Variants in FEM1A observed in about 807,000 individuals in gnomAD.
FEM1A encodes the protein protein fem-1 homolog A.
In FEM1A, 1 loss-of-function variant was observed where a neutral mutation model predicts 0.7. The ratio of observed to expected loss-of-function variants is 1.35; its 90% CI spans 0.48 to 6.40. The LOEUF (loss-of-function observed/expected upper bound fraction) is 6.40. FEM1A is among the 30% of genes most tolerant of loss of function. The pLI is 0.14. For synonymous variants in FEM1A, 391 were observed against 420.6 expected, an observed-to-expected ratio of 0.93 and a Z score of 0.86; for missense variants, 721 against 918.7, an observed-to-expected ratio of 0.78 and a Z score of 2.78.
Position 4,800,188 on chromosome 19 carries a change from G to T in FEM1A, c.*6324G>T, listed in dbSNP as rs1220153721. On this transcript the variant is annotated 3_prime_UTR_variant, in exon 1 of 1. Coordinates refer to ENST00000269856, the MANE Select transcript of FEM1A (RefSeq NM_018708.3). ...GAATAATAATAAAGTAGGAAAAACA[G>T]CCCTCTTAAGAGGAAGGCCATCTTA... is the stretch of plus-strand genomic sequence containing the variant. 1 of 152,188 alleles carries T rather than the reference G, an allele frequency of 6.6e-6. No homozygotes were observed. The highest frequency in any genetic ancestry group is 2.4e-5 in the African/African-American group (1 of 41,436). The allele number at this position is 152,188 out of a possible 1,614,324, so 9.4% of individuals were successfully genotyped here.
At position 4,792,155 on chromosome 19, in the gene FEM1A, A is replaced by C; in HGVS notation, c.301A>C (p.Ser101Arg). ...AGCCGGCCACCTGGACGTGGTGCGG[A>C]GCCTGCTGCGCCGCGGGGCCTCGGT... is the stretch of plus-strand genomic sequence containing the variant. ...SAAGHLDVVR[S>R]LLRRGASVNR... is the part of the protein sequence containing the mutation. Residue 101 changes from serine (S) to arginine (R), a missense_variant, in exon 1 of 1, where the codon AGC (serine) becomes CGC (arginine). Physicochemically the swap from Ser to Arg is moderately radical, Grantham distance 110. This residue lies in a region of FEM1A where 195 missense variants were observed against 316.9 expected (regional missense o/e 0.62). Transcript: ENST00000269856. This position sits in a 1 kb window ranked among gnomAD's most constrained non-coding sequence, Gnocchi z 6.7. 1.3e-6 allele frequency: 2 copies of C among 1,517,332 alleles called. No homozygotes were observed. Among genetic ancestry groups the C allele is most frequent in the Non-Finnish European group, 1.8e-6 (2 of 1,137,546 alleles). The allele number at this position is 1,517,332 out of a possible 1,614,324, so 94.0% of individuals were successfully genotyped here.
chr19:4,792,554 C>G lies in FEM1A; in HGVS notation c.700C>G (p.Leu234Val), dbSNP rs1244149028. The G allele has an allele frequency of 1.9e-5, 30 of 1,604,634 alleles. No individual in the cohort carries two copies. Among genetic ancestry groups the G allele is most frequent in the Non-Finnish European group, 2.5e-5 (30 of 1,179,704 alleles). ...VTGHTNIVEY[L>V]IQEQPGQEQV... ...GGGCCACACCAACATCGTGGAGTAC[C>G]TCATCCAGGAGCAGCCCGGCCAGGA... Residue 234 changes from leucine to valine, a missense_variant, in exon 1 of 1, where the codon CTC (leucine) becomes GTC (valine). Physicochemically the swap from Leu to Val is conservative, Grantham distance 32. Coordinates refer to ENST00000269856, the MANE Select transcript of FEM1A (RefSeq NM_018708.3). The surrounding 1 kb of genome is among the most constrained non-coding windows in gnomAD (Gnocchi z 6.7).
Position 4,791,779 on chromosome 19 carries a change from C to T in FEM1A, c.-76C>T. On this transcript the variant is annotated 5_prime_UTR_variant, in exon 1 of 1. Coordinates refer to ENST00000269856, the MANE Select transcript of FEM1A (RefSeq NM_018708.3). The stretch of plus-strand genomic sequence containing the variant: ...GCGAGGGGGACGGTGAAGGTTGCCT[C>T]CCGCCCGTCCGGGCTCTGATCCTCC... 5 of 1,374,046 alleles carry T rather than the reference C, an allele frequency of 3.6e-6. No individual in the cohort carries two copies. The highest frequency in any genetic ancestry group is 4.7e-6 in the Non-Finnish European group (5 of 1,055,544). The allele number at this position is 1,374,046 out of a possible 1,614,324, so 85.1% of individuals were successfully genotyped here.
Position 4,793,330 on chromosome 19 carries a change from C to A in FEM1A, c.1476C>A (p.Thr492=), listed in dbSNP as rs373621570. The change falls in exon 1 of 1, where the codon ACC becomes ACA. Residue 492 remains threonine, a synonymous_variant. Transcript: ENST00000269856. The surrounding 1 kb of genome is among the most constrained non-coding windows in gnomAD (Gnocchi z 5.1). ...AGCCCGGAGACTCAGCCCAGTTCAC[C>A]AAGGCGCTGGCCATCATCCTCCACC... The part of the protein sequence containing the change: ...PREPGDSAQF[T]KALAIILHLL... The A allele has an allele frequency of 1.9e-6, 3 of 1,612,656 alleles. No homozygotes were observed. The African/African-American group carries it at 4.0e-5, about 21-fold the overall frequency.
rs767907830 is a variant in FEM1A, at chr19:4,793,548, A to G, written c.1694A>G (p.Lys565Arg). The change falls in exon 1 of 1, where the codon AAA becomes AGA. Residue 565 changes from lysine (K) to arginine (R), a missense_variant. Around this residue, in one of 4 missense-constraint regions of FEM1A, gnomAD observed 379 missense variants for 454.8 expected, o/e 0.83. Transcript: ENST00000269856. The surrounding 1 kb of genome is among the most constrained non-coding windows in gnomAD (Gnocchi z 5.1). ...AGATTCCCCTCCCTGCACGTGGTCA[A>G]AGTGCTGCTCGACTGCGGGGCCGAC... ...VGRFPSLHVV[K>R]VLLDCGADPD... The G allele has an allele frequency of 6.2e-7, 1 of 1,613,082 alleles. No homozygotes were observed. The highest frequency in any genetic ancestry group is 1.1e-5 in the South Asian group (1 of 91,030).
rs1475253202 is a variant in FEM1A at position 4,793,632 on chromosome 19, G to A, written c.1778G>A (p.Cys593Tyr). 6.2e-6 allele frequency: 10 copies of A among 1,612,700 alleles called. No homozygotes were observed. The Admixed American group carries it at 1.3e-4, about 22-fold the overall frequency. The change falls in exon 1 of 1, where the codon TGC (cysteine) becomes TAC (tyrosine). Residue 593 changes from cysteine to tyrosine, a missense_variant. Coordinates refer to ENST00000269856, the MANE Select transcript of FEM1A (RefSeq NM_018708.3). The surrounding 1 kb of genome is among the most constrained non-coding windows in gnomAD (Gnocchi z 5.1). ...CTACACATAGCAGCCCAGAACAACT[G>A]CCCGGCCATCATGAATGCCCTGATC... is the stretch of plus-strand genomic sequence containing the variant. ...TPLHIAAQNNCPAIMNALIEA... is the reference protein window; with the variant it reads ...TPLHIAAQNNYPAIMNALIEA...
rs1340106612 is a variant in FEM1A at position 4,792,415 on chromosome 19, G to C, written c.561G>C (p.Leu187=). 6.3e-7 allele frequency: 1 copy of C among 1,595,712 alleles called. No homozygotes were observed. Among genetic ancestry groups the C allele is most frequent in the African/African-American group, 1.3e-5 (1 of 74,884 alleles). The change falls in exon 1 of 1, where the codon CTG becomes CTC. Residue 187 remains leucine (L), a synonymous_variant. Coordinates refer to ENST00000269856, the MANE Select transcript of FEM1A (RefSeq NM_018708.3). This position sits in a 1 kb window ranked among gnomAD's most constrained non-coding sequence, Gnocchi z 6.7. ...NRRSAKGNTA[L]HDCAESGSLE... is the part of the protein sequence containing the mutation. ...GCAGCGCCAAGGGCAACACGGCCCT[G>C]CATGACTGCGCCGAGTCCGGCAGCC...
rs1420611976 is a variant in FEM1A, at chr19:4,792,852, G to A, written c.998G>A (p.Gly333Asp). ...GCCATGGAGCTGCGTCACCAGGGGG[G>A]CGAGTACCTGCCCAAACCGGAGCCC... is the stretch of plus-strand genomic sequence containing the variant. ...RRAMELRHQGGEYLPKPEPPQ... is the reference protein window; with the variant it reads ...RRAMELRHQGDEYLPKPEPPQ... The change falls in exon 1 of 1, where the codon GGC (glycine) becomes GAC (aspartate). Residue 333 changes from glycine to aspartate, a missense_variant. Gly to Asp is a moderately conservative substitution (Grantham distance 94). Transcript: ENST00000269856. The surrounding 1 kb of genome is among the most constrained non-coding windows in gnomAD (Gnocchi z 6.7). 5 of 1,612,188 alleles carry A rather than the reference G, an allele frequency of 3.1e-6. No individual in the cohort carries two copies. The highest frequency in any genetic ancestry group is 1.1e-5 in the South Asian group (1 of 90,990).
At position 4,799,059 on chromosome 19, in the gene FEM1A, G is replaced by C. The variant is rs1190292535; in HGVS notation, c.*5195G>C. The C allele has an allele frequency of 6.9e-6, 1 of 145,078 alleles. No individual in the cohort carries two copies. Among genetic ancestry groups the C allele is most frequent in the East Asian group, 1.9e-4 (1 of 5,158 alleles). The allele number at this position is 145,078 out of a possible 1,614,324, so 9.0% of individuals were successfully genotyped here. On this transcript the variant is annotated 3_prime_UTR_variant, in exon 1 of 1. Coordinates refer to ENST00000269856, the MANE Select transcript of FEM1A (RefSeq NM_018708.3). ...GGTTGCTAGCTCCTCTGAGACTGGG[G>C]TGGGGTGGGTGTCCCAAGGTGATGA...
chr19:4,792,120 C>T lies in FEM1A; in HGVS notation c.266C>T (p.Ala89Val). 6.6e-7 allele frequency: 1 copy of T among 1,521,536 alleles called. No homozygotes were observed. Among genetic ancestry groups the T allele is most frequent in the East Asian group, 2.5e-5 (1 of 39,560 alleles). 94.3% of individuals were successfully genotyped at this position (1,521,536 alleles called of 1,614,324 possible). Reference protein sequence around the residue: ...ETIEGAPPLWAASAAGHLDVV... With the variant: ...ETIEGAPPLWVASAAGHLDVV... ...ATCGAGGGCGCGCCGCCGCTGTGGG[C>T]CGCCTCCGCAGCCGGCCACCTGGAC... Residue 89 changes from alanine to valine, a missense_variant, in exon 1 of 1, where the codon GCC (alanine) becomes GTC (valine). By Grantham distance (64) the Ala-to-Val change is moderately conservative (BLOSUM62 0). Around this residue, in one of 4 missense-constraint regions of FEM1A, gnomAD observed 195 missense variants for 316.9 expected, o/e 0.62. Transcript: ENST00000269856. This position sits in a 1 kb window ranked among gnomAD's most constrained non-coding sequence, Gnocchi z 6.7.
rs1327148822 is a variant in FEM1A at position 4,796,386 on chromosome 19, T to G, written c.*2522T>G. The G allele has an allele frequency of 6.6e-6, 1 of 152,032 alleles. No individual in the cohort carries two copies. Among genetic ancestry groups the G allele is most frequent in the Non-Finnish European group, 1.5e-5 (1 of 68,042 alleles). 9.4% of individuals were successfully genotyped at this position (152,032 alleles called of 1,614,324 possible). ...GTGTATTTTTAGCAGAGACGGGGTT[T>G]CACCATATTGGCCATGCTGGTCTCA... On this transcript the variant is annotated 3_prime_UTR_variant, in exon 1 of 1. Transcript: ENST00000269856.
In FEM1A at chr19:4,792,974, GC is replaced by G; in HGVS notation, c.1123del (p.Leu375CysfsTer2). On this transcript the variant is annotated frameshift_variant, in exon 1 of 1. Transcript: ENST00000269856. LOFTEE classifies it low-confidence loss of function (END_TRUNC). This position sits in a 1 kb window ranked among gnomAD's most constrained non-coding sequence, Gnocchi z 6.7. ...CGACCCGGATGAGATGCGCATGCAGGCCCTGTTGATCCGGGAGCGCATCCTC... is the reference window on the plus strand; with the variant it reads ...CGACCCGGATGAGATGCGCATGCAGGCCTGTTGATCCGGGAGCGCATCCTC... ...ITDPDEMRMQ[A>X]LLIRERILGP... 1 of 1,612,924 alleles carries G rather than the reference GC, an allele frequency of 6.2e-7. No individual in the cohort carries two copies. Among genetic ancestry groups the G allele is most frequent in the Non-Finnish European group, 8.5e-7 (1 of 1,179,992 alleles).
In FEM1A at chr19:4,792,930, A is replaced by G. The variant is rs1185080726; in HGVS notation, c.1076A>G (p.Glu359Gly). Reference protein sequence around the residue: ...DYSREVNTTEELEALITDPDE... With the variant: ...DYSREVNTTEGLEALITDPDE... ...TCCAGGGAGGTCAACACCACCGAGG[A>G]GCTGGAGGCGCTGATCACCGACCCG... Residue 359 changes from glutamate to glycine, a missense_variant, in exon 1 of 1, where the codon GAG becomes GGG. Transcript: ENST00000269856. This position sits in a 1 kb window ranked among gnomAD's most constrained non-coding sequence, Gnocchi z 6.7. 1 of 1,612,204 alleles carries G rather than the reference A, an allele frequency of 6.2e-7. No homozygotes were observed. The highest frequency in any genetic ancestry group is 1.1e-5 in the South Asian group (1 of 91,002).
At position 4,792,289 on chromosome 19, in the gene FEM1A, G is replaced by A. The variant is rs2093555376; in HGVS notation, c.435G>A (p.Val145=). The change falls in exon 1 of 1, where the codon GTG becomes GTA. Residue 145 remains valine, a synonymous_variant. Transcript: ENST00000269856. This position sits in a 1 kb window ranked among gnomAD's most constrained non-coding sequence, Gnocchi z 6.7. ...GCGAGCACCAGGCCGACCTGGAGGT[G>A]GCCAACCGGCACGGCCACACGTGCC... ...LVGEHQADLE[V]ANRHGHTCLM... The A allele has an allele frequency of 6.4e-7, 1 of 1,571,394 alleles. No individual in the cohort carries two copies.
Position 4,795,151 on chromosome 19 carries a change from G to A in FEM1A, c.*1287G>A, listed in dbSNP as rs141938232. The A allele has an allele frequency of 4.2e-3, 695 of 167,020 alleles. 3 individuals carry two copies. In the Middle Eastern group the frequency reaches 0.078, roughly 19 times the overall value. 10.3% of individuals were successfully genotyped at this position (167,020 alleles called of 1,614,324 possible). Reference sequence around the variant, plus strand: ...CCGTGACTCAGGGTAAGGTGCTGGGGCTGCCAGAGGACCTGCCCCAGCAAG... The same window carrying A: ...CCGTGACTCAGGGTAAGGTGCTGGGACTGCCAGAGGACCTGCCCCAGCAAG... On this transcript the variant is annotated 3_prime_UTR_variant, in exon 1 of 1. Coordinates refer to ENST00000269856, the MANE Select transcript of FEM1A (RefSeq NM_018708.3).
chr19:4,793,093 G>A lies in FEM1A; in HGVS notation c.1239G>A (p.Trp413Ter). Residue 413 changes from tryptophan (W) to a stop codon, truncating the protein, a stop_gained, in exon 1 of 1, where the codon TGG (tryptophan) becomes TGA (stop). Transcript: ENST00000269856. LOFTEE classifies it low-confidence loss of function (END_TRUNC). This position sits in a 1 kb window ranked among gnomAD's most constrained non-coding sequence, Gnocchi z 5.1. ...ATTTCGAGCGCTGCATCCGCTTGTG[G>A]AAGTACGCCCTGGACATGCAACAGA... ...SGNFERCIRL[W>*]KYALDMQQSN... 1 of 1,613,616 alleles carries A rather than the reference G, an allele frequency of 6.2e-7. No homozygotes were observed. Among genetic ancestry groups the A allele is most frequent in the Non-Finnish European group, 8.5e-7 (1 of 1,179,990 alleles).
In FEM1A at chr19:4,800,517, C is replaced by G. The variant is rs190746455; in HGVS notation, c.*6653C>G. Reference sequence around the variant, plus strand: ...CTACTCAGTGACTTTCTTAGACCCTCCCCAGCACTTTGAGGGTGTCAGTCA... The same window carrying G: ...CTACTCAGTGACTTTCTTAGACCCTGCCCAGCACTTTGAGGGTGTCAGTCA... On this transcript the variant is annotated 3_prime_UTR_variant, in exon 1 of 1. Coordinates refer to ENST00000269856, the MANE Select transcript of FEM1A (RefSeq NM_018708.3). 2.6e-4 allele frequency: 39 copies of G among 152,454 alleles called. No homozygotes were observed. The highest frequency in any genetic ancestry group is 9.4e-4 in the African/African-American group (39 of 41,590). 9.4% of individuals were successfully genotyped at this position (152,454 alleles called of 1,614,324 possible). A position where few individuals can be genotyped will look rare whatever the true frequency, so the allele number is the denominator to read the frequency against.
chr19:4,798,409 C>T lies in FEM1A; in HGVS notation c.*4545C>T, dbSNP rs1045514286. The T allele has an allele frequency of 6.7e-6, 1 of 150,338 alleles. No individual in the cohort carries two copies. The highest frequency in any genetic ancestry group is 1.5e-5 in the Non-Finnish European group (1 of 67,722). 9.3% of individuals were successfully genotyped at this position (150,338 alleles called of 1,614,324 possible). Reference sequence around the variant, plus strand: ...GGATCACGAGGTCAGGAGACCAAGACCATCCTGGCTAACACGGTGAAACCC... The same window carrying T: ...GGATCACGAGGTCAGGAGACCAAGATCATCCTGGCTAACACGGTGAAACCC... On this transcript the variant is annotated 3_prime_UTR_variant, in exon 1 of 1. Transcript: ENST00000269856.
At position 4,793,291 on chromosome 19, in the gene FEM1A, G is replaced by A. The variant is rs763696834; in HGVS notation, c.1437G>A (p.Leu479=). 21 of 1,613,028 alleles carry A rather than the reference G, an allele frequency of 1.3e-5. No homozygotes were observed. In the South Asian group the frequency reaches 1.9e-4, roughly 14 times the overall value. Residue 479 remains leucine, a synonymous_variant, in exon 1 of 1, where the codon CTG becomes CTA. Transcript: ENST00000269856. The surrounding 1 kb of genome is among the most constrained non-coding windows in gnomAD (Gnocchi z 5.1). ...GGGTCCGGGAAGTGGAACGGGCCCT[G>A]CAGCTGCCCAGGGAGCCCGGAGACT... ...TKGVREVERA[L]QLPREPGDSA...
Sources: gnomAD v4.1 joint callset for allele counts on GRCh38, gnomAD v4.1.1 for gene constraint, gnomAD v4.1.1 regional missense constraint, Gnocchi (gnomAD v3.1) non-coding constraint, MANE v1.5 for transcripts, NCBI Gene and HGNC (gene_info 2026-07-23, HGNC 2026-07-21) for gene names.